Variants in LAMA2 observed in about 807,000 individuals in gnomAD.
LAMA2 encodes laminin subunit alpha 2, also known as laminin subunit alpha-2.
A neutral mutation model predicts 364.8 loss-of-function variants in LAMA2; 269 were observed. That is an observed-to-expected ratio of 0.74 (90% CI 0.67 to 0.82). LAMA2 has a LOEUF of 0.82. Ranked by LOEUF, LAMA2 falls within the 40% of genes least tolerant of loss-of-function variation. The pLI is 0.00. For synonymous variants in LAMA2, 1,379 were observed against 1,370.6 expected (o/e 1.01, Z -0.14); for missense variants, 3,807 against 3,873.2 (o/e 0.98, Z 0.45).
intron 60 of LAMA2, among the ~76,000 whole-genome samples, chr6:129,503,527 C>T (rs918667900): frequency 6.6e-6 from 1 of 152,218 alleles, no homozygotes; most frequent in Non-Finnish European, 1.5e-5. Flanking sequence ...GGTTTTCAAA[C>T]ATCTACCCAT....
chr6:129,287,595 A>T lies in LAMA2; in HGVS notation c.2538-252A>T, dbSNP rs145300438. Among the ~76,000 whole-genome samples the T allele has an allele frequency of 3.3e-3, 499 of 152,192 alleles. 1 individual carries two copies. The highest frequency in any genetic ancestry group is 0.012 in the African/African-American group (478 of 41,538). ...CAGATTCTTATTATGCTTTGGTCTC[A>T]TTTTCAGTGCCAGTGACAAGATTAT... On this transcript the variant is annotated intron_variant, in intron 18 of 64. Coordinates refer to ENST00000421865, the MANE Select transcript of LAMA2 (RefSeq NM_000426.4).
At chr6:129,321,983 C>T (rs1774994618) in intron 28 of LAMA2, among the ~76,000 whole-genome samples, 1 of 152,134 alleles carries the variant, frequency 6.6e-6, no homozygotes, top group East Asian at 1.9e-4. Context: ...ACCTATACAT[C>T]CTAAGGATTG....
At chr6:129,069,802 TA>T (rs1314717883) in intron 3 of LAMA2, among the ~76,000 whole-genome samples, 3 of 148,226 alleles carry the variant, frequency 2.0e-5, no homozygotes, top group Non-Finnish European at 3.0e-5. Flanking sequence ...TACAATATAA[TA>T]AAAATGTGAT....
chr6:129,119,383 G>T (rs1465325491), intron 4 of LAMA2, among the ~76,000 whole-genome samples: 1 of 151,750 alleles, frequency 6.6e-6, no homozygotes, highest in Non-Finnish European at 1.5e-5. Flanking sequence ...GGTCCTTCAG[G>T]TTATTTCTAA....
At position 129,339,443 on chromosome 6, in the gene LAMA2, T is replaced by C. The variant is rs2494581; in HGVS notation, c.4312-2900T>C. ...ACGCTTCTGTGTTATACAATATTTA[T>C]TCAAGAAGCAATTAGAAGCAGAAGT... is the stretch of plus-strand genomic sequence containing the variant. On this transcript the variant is annotated intron_variant, in intron 29 of 64. Transcript: ENST00000421865. Among the ~76,000 whole-genome samples the C allele has an allele frequency of 3.0e-3, 451 of 152,298 alleles. 1 individual carries two copies. Among genetic ancestry groups the C allele is most frequent in the African/African-American group, 0.01 (418 of 41,568 alleles).
At chr6:129,159,756 A>C (rs938895572) in intron 8 of LAMA2, among the ~76,000 whole-genome samples, 1 of 152,198 alleles carries the variant, frequency 6.6e-6, no homozygotes, top group African/African-American at 2.4e-5. Context: ...GACACCCTTT[A>C]TCAGATTCAG....
rs142486468 is a variant in LAMA2 at position 128,982,630 on chromosome 6, A to C, written c.113-67288A>C. ...ATTTTATTTTATTTTATTATACTTT[A>C]AGTTTTAGGGTACATGTGCACAATG... On this transcript the variant is annotated intron_variant, in intron 1 of 64. Transcript: ENST00000421865. Among the ~76,000 whole-genome samples, 989 of 151,604 alleles carry C rather than the reference A, an allele frequency of 6.5e-3. 28 individuals carry two copies. The highest frequency in any genetic ancestry group is 0.033 in the East Asian group (170 of 5,172).
chr6:129,383,121 G>A lies in LAMA2; in HGVS notation c.4960-1G>A. On this transcript the variant is annotated splice_acceptor_variant, in intron 34 of 64. Coordinates refer to ENST00000421865, the MANE Select transcript of LAMA2 (RefSeq NM_000426.4). LOFTEE classifies it high-confidence loss of function. ...TGTGTTTCCCGAATTTGGATCATTA[G>A]GCTACCAAAGTGACAGCAGATGGCG... 1 of 1,612,684 alleles carries A rather than the reference G, an allele frequency of 6.2e-7. No individual in the cohort carries two copies. The highest frequency in any genetic ancestry group is 1.7e-5 in the Admixed American group (1 of 59,984).
At chr6:128,911,104 T>C (rs1777900476) in intron 1 of LAMA2, among the ~76,000 whole-genome samples, 2 of 152,176 alleles carry the variant, frequency 1.3e-5, no homozygotes, top group South Asian at 4.1e-4. Context: ...GTCTGTGCCC[T>C]GCCCCCAGAG....
At chr6:128,991,755 C>A (rs1045788884) in intron 1 of LAMA2, among the ~76,000 whole-genome samples, 1 of 152,138 alleles carries the variant, frequency 6.6e-6, no homozygotes, top group Non-Finnish European at 1.5e-5. Flanking sequence ...TCTAGGCAAA[C>A]TAACCATTCA....
intron 31 of LAMA2, 67 bp downstream of exon 31, chr6:129,349,451 G>C (rs974452349): frequency 1.2e-5 from 15 of 1,213,074 alleles, no homozygotes; most frequent in Non-Finnish European, 1.8e-5. Context: ...GGTCACAATA[G>C]GAAAACATTC....
chr6:129,216,847 G>T (rs1249739443), intron 12 of LAMA2, among the ~76,000 whole-genome samples: 1 of 152,140 alleles, frequency 6.6e-6, no homozygotes, highest in Non-Finnish European at 1.5e-5. Context: ...TTAAGACCTT[G>T]TTTTAAAAAT....
chr6:129,395,182 C>T (rs1198097979), intron 37 of LAMA2, among the ~76,000 whole-genome samples: 1 of 151,564 alleles, frequency 6.6e-6, no homozygotes, highest in Middle Eastern at 3.2e-3. Flanking sequence ...TAATCTGATG[C>T]CTATACAGGT....
chr6:129,067,311 T>C (rs987993913), intron 3 of LAMA2, among the ~76,000 whole-genome samples: 2 of 152,244 alleles, frequency 1.3e-5, no homozygotes, highest in East Asian at 3.8e-4. Flanking sequence ...TAATTGTATA[T>C]AGATTTTTAA....
At chr6:129,119,786 G>C (rs558494850) in intron 4 of LAMA2, among the ~76,000 whole-genome samples, 111 of 152,290 alleles carry the variant, frequency 7.3e-4, no homozygotes, top group African/African-American at 2.7e-3. Flanking sequence ...CTGACCTCGT[G>C]ATCTGCCCAC....
intron 4 of LAMA2, among the ~76,000 whole-genome samples, chr6:129,132,022 A>G (rs533278657): frequency 1.7e-3 from 255 of 151,964 alleles, no homozygotes; most frequent in African/African-American, 5.9e-3. Context: ...TCTTCCTACA[A>G]CCTTCGTGTT....
At position 129,499,264 on chromosome 6, in the gene LAMA2, A is replaced by AT. The variant is rs986303196; in HGVS notation, c.8245-3384dup. 2.5e-3 allele frequency among the ~76,000 whole-genome samples: 369 copies of AT among 149,520 alleles called. 2 individuals are homozygous for AT. The highest frequency in any genetic ancestry group is 8.0e-3 in the African/African-American group (328 of 40,860). On this transcript the variant is annotated intron_variant, in intron 58 of 64. Transcript: ENST00000421865. ...TGATGAGCCTCTACTGAGACTGTGAATTTTTTTTTTTATTATTATTGTTGT... is the reference window on the plus strand; with the variant it reads ...TGATGAGCCTCTACTGAGACTGTGAATTTTTTTTTTTTATTATTATTGTTGT...
At chr6:129,190,019 G>T (rs1477289910) in intron 10 of LAMA2, among the ~76,000 whole-genome samples, 186 bp from the exon 11 acceptor site, 1 of 152,168 alleles carries the variant, frequency 6.6e-6, no homozygotes, top group Non-Finnish European at 1.5e-5. Context: ...TCTCACCAGT[G>T]TAATTAGAAA....
chr6:129,195,639 T>A (rs1211419034), intron 12 of LAMA2, among the ~76,000 whole-genome samples: 4 of 152,220 alleles, frequency 2.6e-5, no homozygotes, highest in Non-Finnish European at 5.9e-5. Context: ...CCCGCCTCGT[T>A]CTTGATAGTC....
Sources: allele counts gnomAD v4.1 joint callset (sites outside exome capture counted in the v4.1 genomes callset), GRCh38; gene constraint gnomAD v4.1.1; transcripts MANE v1.5; gene names NCBI Gene and HGNC (gene_info 2026-07-23, HGNC 2026-07-21).